The following FGGY variants were observed in gnomAD, a reference collection of about 807,000 sequenced individuals.
FGGY encodes FGGY carbohydrate kinase domain-containing protein.
In FGGY, 72 loss-of-function variants were observed where a neutral mutation model predicts 71.3. The ratio of observed to expected loss-of-function variants is 1.01; its 90% CI spans 0.84 to 1.23. The LOEUF (loss-of-function observed/expected upper bound fraction) is 1.23. Among genes scored for constraint, FGGY ranks in the 50% most tolerant of loss-of-function variants. The pLI is 0.00. For synonymous variants in FGGY, 251 were observed against 250.3 expected (o/e 1.00, Z -0.02); for missense variants, 668 against 682.3 (o/e 0.98, Z 0.23).
rs570351267 is a variant in FGGY, at chr1:59,426,139, C to T, written c.555-30822C>T. ...GGGCATTTAACATGTCCATCTCTCA[C>T]CCCATTCTACCTGAGCTTCCAGCAC... On this transcript the variant is annotated intron_variant, in intron 5 of 15. Transcript: ENST00000303721. 3.3e-3 allele frequency among the ~76,000 whole-genome samples: 503 copies of T among 152,252 alleles called. 1 individual carries two copies. Among genetic ancestry groups the T allele is most frequent in the Non-Finnish European group, 5.4e-3 (367 of 68,020 alleles).
intron 14 of FGGY, among the ~76,000 whole-genome samples, chr1:59,701,239 A>G (rs1266991081): frequency 6.6e-6 from 1 of 152,208 alleles, no homozygotes; most frequent in Non-Finnish European, 1.5e-5. Flanking sequence ...TAAGATGAAC[A>G]TAAGGCAGAA....
At chr1:59,544,582 A>G (rs1284804451) in intron 7 of FGGY, among the ~76,000 whole-genome samples, 1 of 152,202 alleles carries the variant, frequency 6.6e-6, no homozygotes. Context: ...AGCTTAAACT[A>G]TTCAAAATAC....
intron 5 of FGGY, among the ~76,000 whole-genome samples, chr1:59,447,418 C>T (rs1373155845): frequency 2.0e-5 from 3 of 152,012 alleles, no homozygotes; most frequent in Non-Finnish European, 4.4e-5. Flanking sequence ...TGAGGGCTGG[C>T]CTGCAAAAAA....
At chr1:59,429,314 G>GC (rs1394556907) in intron 5 of FGGY, among the ~76,000 whole-genome samples, 1 of 151,970 alleles carries the variant, frequency 6.6e-6, no homozygotes, top group Non-Finnish European at 1.5e-5. Flanking sequence ...GAGATTTAGA[G>GC]TGTATGTGGA....
intron 5 of FGGY, among the ~76,000 whole-genome samples, chr1:59,442,341 A>G (rs1254457420): frequency 6.6e-6 from 1 of 152,112 alleles, no homozygotes; most frequent in Non-Finnish European, 1.5e-5. Context: ...GAGCTGATGT[A>G]TTGTTTCTGC....
chr1:59,732,898 A>C (rs2098053041), intron 14 of FGGY, among the ~76,000 whole-genome samples: 1 of 151,964 alleles, frequency 6.6e-6, no homozygotes, highest in Non-Finnish European at 1.5e-5. Context: ...AAAACCCATC[A>C]CATGGCCCCC....
At chr1:59,610,259 G>T (rs1412452295) in intron 9 of FGGY, among the ~76,000 whole-genome samples, 3 of 151,680 alleles carry the variant, frequency 2.0e-5, no homozygotes, top group Non-Finnish European at 2.9e-5. Context: ...ACTGGCCCCA[G>T]TATGTGTTGT....
chr1:59,513,841 A>G (rs2094574281), intron 7 of FGGY, among the ~76,000 whole-genome samples: 1 of 152,220 alleles, frequency 6.6e-6, no homozygotes, highest in Admixed American at 6.5e-5. Flanking sequence ...GGATTATTAA[A>G]TGGTGCCTTG....
At chr1:59,542,553 G>A (rs1350949294) in intron 7 of FGGY, among the ~76,000 whole-genome samples, 2 of 132,400 alleles carry the variant, frequency 1.5e-5, no homozygotes, top group Non-Finnish European at 3.1e-5. Context: ...TCCGCCTCCC[G>A]GGTTCAAGCA....
At chr1:59,647,184 G>A (rs1012560467) in intron 11 of FGGY, among the ~76,000 whole-genome samples, 2 of 152,198 alleles carry the variant, frequency 1.3e-5, no homozygotes, top group African/African-American at 4.8e-5. Flanking sequence ...AGTCCATTGT[G>A]TATAATCTTG....
chr1:59,432,894 A>T (rs1253264300), intron 5 of FGGY, among the ~76,000 whole-genome samples: 1 of 152,184 alleles, frequency 6.6e-6, no homozygotes, highest in Admixed American at 6.5e-5. Context: ...TATCGTTCTG[A>T]CTGGGAGCTC....
intron 14 of FGGY, chr1:59,699,190 A>G: frequency 1.0e-6 from 1 of 985,306 alleles, no homozygotes; most frequent in African/African-American, 1.7e-5. Flanking sequence ...CTCAGTGTAA[A>G]TGTTAGGAGA....
intron 11 of FGGY, among the ~76,000 whole-genome samples, chr1:59,657,791 C>A (rs2097234975): frequency 6.6e-6 from 1 of 152,152 alleles, no homozygotes; most frequent in Non-Finnish European, 1.5e-5. Context: ...TTACCCTATT[C>A]TCATAAAAGC....
intron 6 of FGGY, among the ~76,000 whole-genome samples, chr1:59,472,156 C>T (rs568250520): frequency 1.3e-4 from 20 of 152,330 alleles, no homozygotes; most frequent in African/African-American, 4.6e-4. Context: ...ACCGGGGCTG[C>T]GCGCAGTGCT....
In FGGY at chr1:59,466,266, A is replaced by G. The variant is rs541681522; in HGVS notation, c.670+9190A>G. Among the ~76,000 whole-genome samples, 36 of 152,326 alleles carry G rather than the reference A, an allele frequency of 2.4e-4. 1 individual carries two copies. In the East Asian group the frequency reaches 5.2e-3, roughly 22 times the overall value. On this transcript the variant is annotated intron_variant, in intron 6 of 15. Transcript: ENST00000303721. ...ACAAGAAATGGGGAAAGGATTCCCT[A>G]TTTAATAAATGGTGCTGGGAAAACT...
In FGGY at chr1:59,716,075, A is replaced by G. The variant is rs1475923218; in HGVS notation, c.1513-41856A>G. Among the ~76,000 whole-genome samples the G allele has an allele frequency of 6.6e-5, 10 of 152,316 alleles. No homozygotes were observed. The South Asian group carries it at 8.3e-4, about 13-fold the overall frequency. On this transcript the variant is annotated intron_variant, in intron 14 of 15. Transcript: ENST00000303721. ...TCTCAACTTAAAGATGAAGGAAATA[A>G]GCCAAAGGTATTAAAACCTATTTTA...
intron 14 of FGGY, among the ~76,000 whole-genome samples, chr1:59,693,298 T>C (rs1237704788): frequency 1.3e-5 from 2 of 152,248 alleles, no homozygotes; most frequent in Non-Finnish European, 2.9e-5. Context: ...GCCTCAGTTT[T>C]CTATCAGTAA....
intron 8 of FGGY, among the ~76,000 whole-genome samples, chr1:59,557,757 T>G (rs2095713437): frequency 6.6e-6 from 1 of 152,164 alleles, no homozygotes; most frequent in African/African-American, 2.4e-5. Flanking sequence ...AGCTGATCCT[T>G]GCCATTGTAC....
intron 6 of FGGY, among the ~76,000 whole-genome samples, chr1:59,473,540 A>G (rs12048006): frequency 6.6e-6 from 1 of 152,202 alleles, no homozygotes; most frequent in Non-Finnish European, 1.5e-5. Context: ...CAGAAGAAAC[A>G]GTGCAGGCAC....
Sources: gnomAD v4.1 joint callset for allele counts (sites outside exome capture counted in the v4.1 genomes callset) on GRCh38, gnomAD v4.1.1 for gene constraint, MANE v1.5 for transcripts, NCBI Gene and HGNC (gene_info 2026-07-23, HGNC 2026-07-21) for gene names.